Variants in TAF8 observed in about 807,000 individuals in gnomAD.
The protein encoded by TAF8 is transcription initiation factor TFIID subunit 8.
In TAF8, 47 loss-of-function variants were observed where a neutral mutation model predicts 36.5. The observed-to-expected ratio is 1.29, with a 90% confidence interval of 1.02 to 1.64. The LOEUF (loss-of-function observed/expected upper bound fraction) is 1.64. Ranked by LOEUF, TAF8 falls within the 40% of genes most tolerant of loss-of-function variation. The probability of loss-of-function intolerance (pLI) is 0.00; values close to 1 mark genes in which losing one functional copy is unlikely to be tolerated. For missense variants in TAF8, 420 were observed against 407.6 expected, an observed-to-expected ratio of 1.03 and a Z score of -0.26; for synonymous variants, 175 against 159.5, an observed-to-expected ratio of 1.10 and a Z score of -0.73.
chr6:42,055,418 T>G (rs192894030), intron 2 of TAF8, 113 bp from the exon 3 acceptor site: 11 of 715,548 alleles, frequency 1.5e-5, no homozygotes, highest in Non-Finnish European at 2.2e-5. Context: ...AATCCCTGCT[T>G]TCAGTTCATT....
downstream of TAF8, among the ~76,000 whole-genome samples, chr6:42,084,868 C>T (rs1228571619): frequency 6.6e-6 from 1 of 152,228 alleles, no homozygotes; most frequent in African/African-American, 2.4e-5. Flanking sequence ...CATGGCATGA[C>T]CCTGCCCTGC....
At chr6:42,066,654 T>G (rs1481794511) in intron 6 of TAF8, among the ~76,000 whole-genome samples, 195 bp downstream of exon 6, 1 of 152,128 alleles carries the variant, frequency 6.6e-6, no homozygotes, top group Non-Finnish European at 1.5e-5. Context: ...ACAGTAATGG[T>G]CTCTGTTGGG....
At chr6:42,054,202 C>A (rs934018094) in intron 2 of TAF8, among the ~76,000 whole-genome samples, 3 of 152,162 alleles carry the variant, frequency 2.0e-5, no homozygotes, top group African/African-American at 7.2e-5. Flanking sequence ...AAAACTCCAT[C>A]TTAGAAACCT....
At chr6:42,069,008 G>A (rs1765468671) in intron 7 of TAF8, among the ~76,000 whole-genome samples, 1 of 152,126 alleles carries the variant, frequency 6.6e-6, no homozygotes, top group African/African-American at 2.4e-5. Flanking sequence ...ACAAGGCATG[G>A]ACATGTCTGG....
Position 42,055,632 on chromosome 6 carries a change from G to A in TAF8, c.301+3G>A, listed in dbSNP as rs765373572. ...CGTGGTCACACTTGTTGAGATGGGTGAGTATACCTTCAGTTTCCAGTTCTT... is the reference window on the plus strand; with the variant it reads ...CGTGGTCACACTTGTTGAGATGGGTAAGTATACCTTCAGTTTCCAGTTCTT... On this transcript the variant is annotated splice_donor_region_variant and intron_variant, in intron 3 of 8. Coordinates refer to ENST00000372977, the MANE Select transcript of TAF8 (RefSeq NM_138572.3). The A allele has an allele frequency of 1.9e-6, 3 of 1,611,426 alleles. No individual in the cohort carries two copies. The African/African-American group carries it at 4.0e-5, about 22-fold the overall frequency.
downstream of TAF8, among the ~76,000 whole-genome samples, chr6:42,083,725 A>G (rs1056558477): frequency 1.6e-4 from 24 of 152,132 alleles, no homozygotes; most frequent in African/African-American, 5.3e-4. Context: ...AGGGAACACA[A>G]TCTCTTTCTG....
In TAF8 at chr6:42,051,833, G is replaced by T. The variant is rs192427986; in HGVS notation, c.202+320G>T. ...ACAAAAAAATTAGCTGGGCGTGGTG[G>T]CAGGTGTCTATAATCCCAGCCACTC... On this transcript the variant is annotated intron_variant, in intron 2 of 8. Transcript: ENST00000372977. The T allele has an allele frequency of 2.0e-3, 368 of 184,978 alleles. 4 individuals carry two copies. The highest frequency in any genetic ancestry group is 7.8e-3 in the African/African-American group (332 of 42,412). The allele number at this position is 184,978 out of a possible 1,614,324, so 11.5% of individuals were successfully genotyped here. A position where few individuals can be genotyped will look rare whatever the true frequency, so the allele number is the denominator to read the frequency against.
intron 6 of TAF8, 61 bp downstream of exon 6, chr6:42,066,520 TTC>T: frequency 6.3e-7 from 1 of 1,579,948 alleles, no homozygotes; most frequent in Admixed American, 1.7e-5. Flanking sequence ...TATCTTTTCT[TTC>T]TCTCAGCATG....
At chr6:42,087,221 A>G (rs1386736481), downstream of TAF8, 2 of 181,486 alleles carry the variant, frequency 1.1e-5, no homozygotes, top group Non-Finnish European at 2.3e-5. Context: ...GGGCCTGGCC[A>G]TATAGCCAGC....
rs374058625 is a variant in TAF8 at position 42,066,374 on chromosome 6, C to T, written c.552C>T (p.Arg184=). 9.4e-5 allele frequency: 151 copies of T among 1,614,058 alleles called. No homozygotes were observed. Among genetic ancestry groups the T allele is most frequent in the Middle Eastern group, 4.9e-4 (3 of 6,084 alleles). ...GGGAGAAGGCTGCATCCCAGAGGCGCGATGTGGAGCGGGCACTTACCCGTT... is the reference window on the plus strand; with the variant it reads ...GGGAGAAGGCTGCATCCCAGAGGCGTGATGTGGAGCGGGCACTTACCCGTT... ...VLREKAASQR[R]DVERALTRFM... Residue 184 remains arginine (R), a synonymous_variant, in exon 6 of 9, where the codon CGC becomes CGT. Coordinates refer to ENST00000372977, the MANE Select transcript of TAF8 (RefSeq NM_138572.3).
chr6:42,087,269 C>T (rs1766044615), downstream of TAF8: 1 of 156,338 alleles, frequency 6.4e-6, no homozygotes, highest in Admixed American at 6.3e-5. Flanking sequence ...CACCCACTCC[C>T]TTCTCCTGGT....
Position 42,068,549 on chromosome 6 carries a change from A to AT in TAF8, c.724dup (p.Ser242PhefsTer6). ...GAGATGCAACAAATGGAAGAGACAG[A>AT]TTCCTCGGAGCAGGATGAACAGACA... On this transcript the variant is annotated frameshift_variant, in exon 7 of 9. Coordinates refer to ENST00000372977, the MANE Select transcript of TAF8 (RefSeq NM_138572.3). LOFTEE classifies it high-confidence loss of function. 1 of 1,614,102 alleles carries AT rather than the reference A, an allele frequency of 6.2e-7. No individual in the cohort carries two copies. The highest frequency in any genetic ancestry group is 1.7e-5 in the Admixed American group (1 of 60,028).
chr6:42,063,540 C>T (rs928014765), intron 5 of TAF8: 1 of 152,194 alleles, frequency 6.6e-6, no homozygotes, highest in African/African-American at 2.4e-5. Flanking sequence ...ATAACCTTTT[C>T]TAGCGGGAGC....
rs752663974 is a variant in TAF8 at position 42,050,533 on chromosome 6, C to T, written c.-9C>T. The T allele has an allele frequency of 6.4e-7, 1 of 1,553,522 alleles. No individual in the cohort carries two copies. Among genetic ancestry groups the T allele is most frequent in the Non-Finnish European group, 8.7e-7 (1 of 1,148,742 alleles). On this transcript the variant is annotated 5_prime_UTR_variant, in exon 1 of 9. Transcript: ENST00000372977. The stretch of plus-strand genomic sequence containing the variant: ...CGCCCCGCGCTCGCGCACACTACGC[C>T]AGAACAAGATGGCCGACGCGGCGGC...
intron 7 of TAF8, among the ~76,000 whole-genome samples, chr6:42,074,586 G>T (rs1765684368): frequency 6.6e-6 from 1 of 152,158 alleles, no homozygotes; most frequent in South Asian, 2.1e-4. Flanking sequence ...CTAGGCTGGA[G>T]TGCAGTGGCA....
chr6:42,071,311 CTTTTTTTTTTTTTTTTTTTTT>C (rs70987566), intron 7 of TAF8: 9 of 121,728 alleles, frequency 7.4e-5, no homozygotes, highest in South Asian at 3.3e-4. Flanking sequence ...CCTGGACATA[CTTTTTTTTTTTTTTTTTTTTT>C]TTTTTTTTTT....
chr6:42,074,627 C>A (rs761108812), intron 7 of TAF8, among the ~76,000 whole-genome samples: 1 of 152,122 alleles, frequency 6.6e-6, no homozygotes, highest in East Asian at 1.9e-4. Context: ...CTCCAACTCC[C>A]GGGTTCAAGC....
chr6:42,078,051 C>T lies in TAF8; in HGVS notation c.*506C>T, dbSNP rs573142256. On this transcript the variant is annotated 3_prime_UTR_variant, in exon 9 of 9. Coordinates refer to ENST00000372977, the MANE Select transcript of TAF8 (RefSeq NM_138572.3). Reference sequence around the variant, plus strand: ...GATTACAGGTGTGAGCCACCACGCCCAGCTAATTTTTGTATTTTTAATAGA... The same window carrying T: ...GATTACAGGTGTGAGCCACCACGCCTAGCTAATTTTTGTATTTTTAATAGA... 25 of 250,612 alleles carry T rather than the reference C, an allele frequency of 1.0e-4. No individual in the cohort carries two copies. Among genetic ancestry groups the T allele is most frequent in the African/African-American group, 5.6e-4 (24 of 42,840 alleles). The allele number at this position is 250,612 out of a possible 1,614,324, so 15.5% of individuals were successfully genotyped here. A position where few individuals can be genotyped will look rare whatever the true frequency, so the allele number is the denominator to read the frequency against.
At chr6:42,066,486 C>T (rs1290563830) in intron 6 of TAF8, 27 bp downstream of exon 6, 17 of 1,612,500 alleles carry the variant, frequency 1.1e-5, no homozygotes, top group Non-Finnish European at 1.4e-5. Flanking sequence ...TGTGTGGACC[C>T]TGTCTTATTT....
Sources: gnomAD v4.1 joint callset for allele counts (sites outside exome capture counted in the v4.1 genomes callset) on GRCh38, gnomAD v4.1.1 for gene constraint, MANE v1.5 for transcripts, NCBI Gene and HGNC (gene_info 2026-07-23, HGNC 2026-07-21) for gene names.